The following NEBL variants were observed in gnomAD, a reference collection of about 807,000 sequenced individuals.
NEBL encodes the protein nebulette, also known as LIM and SH3 protein 2.
In NEBL, 122 loss-of-function variants were observed where a neutral mutation model predicts 140.2. The observed-to-expected ratio is 0.87, with a 90% CI of 0.75 to 1.01. The LOEUF (loss-of-function observed/expected upper bound fraction) is 1.01. Ranked by LOEUF, NEBL falls within the 50% of genes least tolerant of loss-of-function variation. NEBL has a pLI of 0.00. For synonymous variants in NEBL, 436 were observed against 398.9 expected (o/e 1.09, Z -1.11); for missense variants, 1,365 against 1,231.3 (o/e 1.11, Z -1.62).
intron 3 of NEBL, among the ~76,000 whole-genome samples, chr10:20,962,043 A>G (rs1836075611): frequency 6.6e-6 from 1 of 152,218 alleles, no homozygotes; most frequent in Non-Finnish European, 1.5e-5. Context: ...ATAACAAACA[A>G]CAATGGCTAT....
chr10:21,087,942 G>A (rs368927859), intron 2 of NEBL, among the ~76,000 whole-genome samples: 4 of 152,144 alleles, frequency 2.6e-5, no homozygotes, highest in Non-Finnish European at 5.9e-5. Context: ...TGAATCTGAC[G>A]ATTTGCAATA....
chr10:20,886,090 G>A (rs1265825935), intron 4 of NEBL, among the ~76,000 whole-genome samples: 1 of 152,064 alleles, frequency 6.6e-6, no homozygotes, highest in African/African-American at 2.4e-5. Flanking sequence ...CTAGGGGACG[G>A]GTTCATATTA....
intron 3 of NEBL, among the ~76,000 whole-genome samples, chr10:20,973,635 G>A (rs1335804099): frequency 1.3e-5 from 2 of 152,126 alleles, no homozygotes; most frequent in Admixed American, 6.5e-5. Context: ...ATGGTCCTGA[G>A]CCTCTTTCTC....
At chr10:20,843,082 G>A (rs895100875) in intron 12 of NEBL, among the ~76,000 whole-genome samples, 1 of 152,080 alleles carries the variant, frequency 6.6e-6, no homozygotes, top group Non-Finnish European at 1.5e-5. Flanking sequence ...GTACTTGAAG[G>A]TGGGACCTTT....
chr10:20,805,836 C>G (rs138168672), intron 26 of NEBL, among the ~76,000 whole-genome samples: 3 of 147,808 alleles, frequency 2.0e-5, no homozygotes, highest in African/African-American at 7.7e-5. Flanking sequence ...CTGAGTGACA[C>G]AGCGAGACTC....
chr10:20,829,558 C>T (rs55778842), intron 16 of NEBL, among the ~76,000 whole-genome samples: 33,498 of 151,264 alleles, frequency 0.22, 4,450 homozygotes, highest in East Asian at 0.4. Flanking sequence ...GCACATTGTA[C>T]ACATGTACCC....
chr10:20,789,302 A>G (rs1240314585), intron 26 of NEBL, among the ~76,000 whole-genome samples: 1 of 152,238 alleles, frequency 6.6e-6, no homozygotes, highest in Non-Finnish European at 1.5e-5. Context: ...TAAAAATTAA[A>G]TTCTAATTCA....
chr10:21,272,897 A>C (rs1842876368), intron 1 of NEBL, among the ~76,000 whole-genome samples: 1 of 152,162 alleles, frequency 6.6e-6, no homozygotes, highest in South Asian at 2.1e-4. Flanking sequence ...ATAAAATGGC[A>C]AGATAAATTG....
intron 2 of NEBL, among the ~76,000 whole-genome samples, chr10:21,166,245 AG>A (rs1564533529): frequency 0.13 from 16,287 of 125,356 alleles, 2,194 homozygotes; most frequent in African/African-American, 0.27. Context: ...AAAAAAAAAA[AG>A]AAAAGAAAAA....
At chr10:21,198,858 T>A (rs117334408) in intron 3 of NEBL, among the ~76,000 whole-genome samples, 19 of 152,290 alleles carry the variant, frequency 1.2e-4, no homozygotes, top group African/African-American at 4.3e-4. Context: ...GACCATTTTC[T>A]CTTTCTCGGG....
intron 3 of NEBL, among the ~76,000 whole-genome samples, chr10:21,197,895 A>T (rs887981562): frequency 3.6e-4 from 55 of 152,116 alleles, no homozygotes; most frequent in Admixed American, 2.6e-4. Context: ...TGACCAATCA[A>T]TAATTCCATT....
At chr10:21,093,303 T>C (rs763574721) in intron 2 of NEBL, among the ~76,000 whole-genome samples, 19 of 152,042 alleles carry the variant, frequency 1.2e-4, no homozygotes, top group Non-Finnish European at 2.2e-4. Flanking sequence ...CCCAGAAGCA[T>C]TGGACGCATT....
At chr10:20,980,159 A>G (rs1397843678) in intron 3 of NEBL, among the ~76,000 whole-genome samples, 1 of 152,154 alleles carries the variant, frequency 6.6e-6, no homozygotes, top group Non-Finnish European at 1.5e-5. Flanking sequence ...CTTGCTAGCA[A>G]ATATTTGTGT....
intron 2 of NEBL, among the ~76,000 whole-genome samples, chr10:21,152,245 T>C (rs1840170505): frequency 6.6e-6 from 1 of 152,168 alleles, no homozygotes; most frequent in Non-Finnish European, 1.5e-5. Flanking sequence ...TGGCCACCCC[T>C]TGACTTCCAA....
chr10:21,286,038 G>C lies in NEBL; in HGVS notation n.182+6792C>G, dbSNP rs751734131. ...CATCACCGCTCATTCTTCCATCTCT[G>C]GTTCTCCCCCTCTCTTTAGACTTGG... On this transcript the variant is annotated intron_variant and non_coding_transcript_variant, in intron 1 of 8. Transcript: ENST00000675702. Among the ~76,000 whole-genome samples, 6 of 152,084 alleles carry C rather than the reference G, an allele frequency of 3.9e-5. No individual in the cohort carries two copies. In the East Asian group the frequency reaches 5.8e-4, roughly 15 times the overall value.
At chr10:20,871,350 T>C (rs1844914334) in intron 5 of NEBL, among the ~76,000 whole-genome samples, 2 of 152,224 alleles carry the variant, frequency 1.3e-5, no homozygotes, top group African/African-American at 4.8e-5. Flanking sequence ...ATTCCCTAGC[T>C]GACTGCTATA....
At chr10:21,139,410 G>T (rs1409487203) in intron 2 of NEBL, among the ~76,000 whole-genome samples, 1 of 152,074 alleles carries the variant, frequency 6.6e-6, no homozygotes, top group Non-Finnish European at 1.5e-5. Flanking sequence ...ATTTGGATGA[G>T]GATACCCTAC....
intron 3 of NEBL, among the ~76,000 whole-genome samples, chr10:20,975,902 G>C (rs1052877682): frequency 2.6e-5 from 4 of 151,702 alleles, no homozygotes; most frequent in African/African-American, 9.7e-5. Context: ...CAAAAAGAAG[G>C]GGCTCTGAGA....
intron 3 of NEBL, among the ~76,000 whole-genome samples, chr10:21,201,000 G>A (rs570295158): frequency 2.0e-5 from 3 of 151,994 alleles, no homozygotes; most frequent in East Asian, 1.9e-4. Context: ...AGGATTGCTT[G>A]AGCCCAGGAG....
Sources: allele counts gnomAD v4.1 joint callset (sites outside exome capture counted in the v4.1 genomes callset), GRCh38; gene constraint gnomAD v4.1.1; transcripts MANE v1.5; gene names NCBI Gene and HGNC (gene_info 2026-07-23, HGNC 2026-07-21).